The following ATG10 variants were observed in gnomAD, a reference collection of about 807,000 sequenced individuals.
ATG10 encodes the protein autophagy related 10.
In ATG10, 30 loss-of-function variants were observed where a neutral mutation model predicts 32.1. The ratio of observed to expected loss-of-function variants is 0.94; its 90% CI spans 0.70 to 1.27. The LOEUF (loss-of-function observed/expected upper bound fraction) is 1.27. Among genes scored for constraint, ATG10 ranks in the 50% most tolerant of loss-of-function variants. The pLI, the probability that ATG10 is intolerant of heterozygous loss-of-function variation, is 0.00. For synonymous variants in ATG10, 87 were observed against 91.5 expected (o/e 0.95, Z 0.28); for missense variants, 233 against 262.3 (o/e 0.89, Z 0.77).
At chr5:82,228,635 A>G (rs924867404) in intron 5 of ATG10, among the ~76,000 whole-genome samples, 3 of 152,244 alleles carry the variant, frequency 2.0e-5, no homozygotes, top group African/African-American at 7.2e-5. Flanking sequence ...AATTGAATGC[A>G]TTTAAGATAA....
chr5:82,225,117 C>T lies in ATG10; in HGVS notation c.454-27445C>T, dbSNP rs567344608. Among the ~76,000 whole-genome samples the T allele has an allele frequency of 7.2e-5, 11 of 152,274 alleles. No individual in the cohort carries two copies. In the East Asian group the frequency reaches 2.1e-3, roughly 29 times the overall value. ...GACCAATAGGATAATTGAGTCCTTG[C>T]ACCCTTTTAATGTCACACACTCCCA... On this transcript the variant is annotated intron_variant, in intron 5 of 7. Coordinates refer to ENST00000282185, the MANE Select transcript of ATG10 (RefSeq NM_031482.5).
chr5:82,202,842 T>C (rs1745122891), intron 5 of ATG10, among the ~76,000 whole-genome samples: 1 of 152,214 alleles, frequency 6.6e-6, no homozygotes, highest in Non-Finnish European at 1.5e-5. Flanking sequence ...AACACGTTTC[T>C]CTCAAGGGTT....
chr5:82,069,027 T>A (rs1764036767), intron 3 of ATG10, among the ~76,000 whole-genome samples: 1 of 151,814 alleles, frequency 6.6e-6, no homozygotes, highest in African/African-American at 2.4e-5. Flanking sequence ...AAGTAGAATC[T>A]AAAATTTGAG....
At chr5:81,998,624 G>T (rs966387019) in intron 2 of ATG10, among the ~76,000 whole-genome samples, 7 of 152,190 alleles carry the variant, frequency 4.6e-5, no homozygotes, top group Non-Finnish European at 8.8e-5. Context: ...ACCCAACTGT[G>T]TGCTGTCTTC....
At chr5:82,100,491 C>T (rs988304661) in intron 3 of ATG10, among the ~76,000 whole-genome samples, 6 of 152,068 alleles carry the variant, frequency 3.9e-5, no homozygotes, top group Non-Finnish European at 4.4e-5. Context: ...CTGGGCTTCC[C>T]ATGGCCCAGT....
At chr5:82,167,944 A>C (rs7729751) in intron 4 of ATG10, among the ~76,000 whole-genome samples, 2,271 of 152,306 alleles carry the variant, frequency 0.015, 45 homozygotes, top group African/African-American at 0.051. Flanking sequence ...ACCCTTTGTC[A>C]CTCAGGAGAG....
intron 5 of ATG10, among the ~76,000 whole-genome samples, chr5:82,236,248 C>A (rs1196462580): frequency 2.0e-5 from 3 of 152,014 alleles, no homozygotes; most frequent in African/African-American, 2.4e-5. Context: ...CCCCAGCAAG[C>A]TTTATAATGG....
rs371254977 is a variant in ATG10 at position 82,178,603 on chromosome 5, C to G, written c.453+16C>G. 6.6e-7 allele frequency: 1 copy of G among 1,516,376 alleles called. No homozygotes were observed. Among genetic ancestry groups the G allele is most frequent in the Admixed American group, 1.7e-5 (1 of 59,586 alleles). The allele number at this position is 1,516,376 out of a possible 1,614,324, so 93.9% of individuals were successfully genotyped here. A position where few individuals can be genotyped will look rare whatever the true frequency, so the allele number is the denominator to read the frequency against. ...TACGCAACAGGTTGGAGAGTATTGT[C>G]ATTTTATTGTATGCATGTTATTGTA... is the stretch of plus-strand genomic sequence containing the variant. On this transcript the variant is annotated intron_variant, in intron 5 of 7. Transcript: ENST00000282185.
chr5:82,136,379 G>A lies in ATG10; in HGVS notation c.217-28020G>A, dbSNP rs183333607. The stretch of plus-strand genomic sequence containing the variant: ...TGGCTGGTACTGGTTTTTCCTTTCC[G>A]TATTTAGTGCTTACTTCAGGAGCTC... On this transcript the variant is annotated intron_variant, in intron 3 of 7. Transcript: ENST00000282185. Among the ~76,000 whole-genome samples, 348 of 152,114 alleles carry A rather than the reference G, an allele frequency of 2.3e-3. 1 individual carries two copies. Among genetic ancestry groups the A allele is most frequent in the Admixed American group, 3.5e-3 (53 of 15,282 alleles).
At chr5:82,099,966 C>G (rs1765203927) in intron 3 of ATG10, among the ~76,000 whole-genome samples, 1 of 142,052 alleles carries the variant, frequency 7.0e-6, no homozygotes, top group Non-Finnish European at 1.5e-5. Flanking sequence ...TTTAAAGAGA[C>G]AGTGATTTCT....
intron 3 of ATG10, among the ~76,000 whole-genome samples, chr5:82,150,684 C>T (rs902900846): frequency 5.9e-5 from 9 of 152,180 alleles, no homozygotes; most frequent in South Asian, 2.1e-4. Flanking sequence ...TTCACACAGT[C>T]GTCCACAGGG....
intron 4 of ATG10, among the ~76,000 whole-genome samples, chr5:82,174,907 A>G (rs1743951405): frequency 6.6e-6 from 1 of 152,196 alleles, no homozygotes; most frequent in Non-Finnish European, 1.5e-5. Flanking sequence ...GAAGAAGCAG[A>G]TATTTTAACA....
intron 3 of ATG10, among the ~76,000 whole-genome samples, chr5:82,138,561 A>G (rs1185481910): frequency 6.6e-6 from 1 of 151,858 alleles, no homozygotes; most frequent in Non-Finnish European, 1.5e-5. Context: ...CCCACTCTCT[A>G]ACGAGTCCCA....
chr5:82,066,588 C>T (rs6886165), intron 3 of ATG10, among the ~76,000 whole-genome samples: 12,456 of 151,944 alleles, frequency 0.082, 762 homozygotes, highest in African/African-American at 0.18. Context: ...GAAAGTGAGG[C>T]CCTCGACAAA....
intron 3 of ATG10, among the ~76,000 whole-genome samples, chr5:82,058,865 A>G (rs1391085927): frequency 6.6e-6 from 1 of 152,184 alleles, no homozygotes; most frequent in Non-Finnish European, 1.5e-5. Context: ...TAATACTGAA[A>G]GCAAGAATTG....
Position 82,121,941 on chromosome 5 carries a change from G to GTT in ATG10, c.217-42440_217-42439dup, listed in dbSNP as rs77349086. On this transcript the variant is annotated intron_variant, in intron 3 of 7. Transcript: ENST00000282185. ...GATTTTGCATCAATATTGGCCTGAA[G>GTT]TTTTTTTTTTTTTTTTTTTATGTCT... Among the ~76,000 whole-genome samples, 650 of 120,962 alleles carry GTT rather than the reference G, an allele frequency of 5.4e-3. 16 individuals carry two copies. The highest frequency in any genetic ancestry group is 0.015 in the African/African-American group (449 of 30,464). The allele number at this position is 120,962 out of a possible 152,430, so 79.4% of individuals were successfully genotyped here.
chr5:82,167,087 T>C (rs573219457), intron 4 of ATG10, among the ~76,000 whole-genome samples: 5 of 152,162 alleles, frequency 3.3e-5, no homozygotes, highest in Non-Finnish European at 7.4e-5. Flanking sequence ...CCCTTAGACT[T>C]TGAATTCCTT....
chr5:82,091,163 C>T (rs1205146932), intron 3 of ATG10, among the ~76,000 whole-genome samples: 2 of 152,154 alleles, frequency 1.3e-5, no homozygotes, highest in African/African-American at 4.8e-5. Context: ...AGGAATAATG[C>T]TTAGGCAGCC....
intron 2 of ATG10, among the ~76,000 whole-genome samples, chr5:82,017,523 A>G (rs1327631926): frequency 6.6e-6 from 1 of 152,198 alleles, no homozygotes; most frequent in Non-Finnish European, 1.5e-5. Context: ...CTTATTCAGT[A>G]TAATGTTGGC....
Sources: allele counts gnomAD v4.1 joint callset (sites outside exome capture counted in the v4.1 genomes callset), GRCh38; gene constraint gnomAD v4.1.1; transcripts MANE v1.5; gene names NCBI Gene and HGNC (gene_info 2026-07-23, HGNC 2026-07-21).